The following SCIN variants were observed in gnomAD, a reference collection of about 807,000 sequenced individuals.
SCIN encodes the protein adseverin.
In SCIN, 91 loss-of-function variants were observed where a neutral mutation model predicts 91.8. That is an observed-to-expected ratio of 0.99 (90% CI 0.84 to 1.18). The LOEUF (loss-of-function observed/expected upper bound fraction) is 1.18, where lower values mean the gene tolerates loss of function less well. SCIN is among the 50% of genes most tolerant of loss of function. The probability of loss-of-function intolerance (pLI) is 0.00; values close to 1 mark genes in which losing one functional copy is unlikely to be tolerated. For missense variants in SCIN, 1,087 were observed against 863.9 expected, an observed-to-expected ratio of 1.26 and a Z score of -3.24; for synonymous variants, 367 against 312.6, an observed-to-expected ratio of 1.17 and a Z score of -1.84.
At chr7:12,582,598 G>A (rs984868996) in intron 3 of SCIN, among the ~76,000 whole-genome samples, 1 of 152,046 alleles carries the variant, frequency 6.6e-6, no homozygotes, top group Non-Finnish European at 1.5e-5. Flanking sequence ...ACCCTAAATG[G>A]CAGTACCTTT....
chr7:12,613,455 A>G (rs1373757353), intron 4 of SCIN, among the ~76,000 whole-genome samples: 1 of 152,194 alleles, frequency 6.6e-6, no homozygotes, highest in Non-Finnish European at 1.5e-5. Context: ...AATGTTAAAT[A>G]TGCAAGATTC....
Position 12,646,614 on chromosome 7 carries a change from C to CA in SCIN, c.1881+1919dup, listed in dbSNP as rs1300165183. Among the ~76,000 whole-genome samples the CA allele has an allele frequency of 7.7e-4, 114 of 148,492 alleles. 2 individuals are homozygous for CA. Among genetic ancestry groups the CA allele is most frequent in the Admixed American group, 4.1e-3 (62 of 14,940 alleles). On this transcript the variant is annotated intron_variant, in intron 13 of 15. Transcript: ENST00000297029. ...GAACCACAGCCTCTCACCTAAATTT[C>CA]AAAAAAAAAAGTTATACTTTCTCTG...
At chr7:12,588,759 C>G (rs1782644491) in intron 3 of SCIN, among the ~76,000 whole-genome samples, 1 of 140,028 alleles carries the variant, frequency 7.1e-6, no homozygotes, top group Admixed American at 7.8e-5. Context: ...AGATAAGGGT[C>G]CAGGAATGCA....
Position 12,640,715 on chromosome 7 carries a change from G to A in SCIN, c.1581+198G>A, listed in dbSNP as rs117388499. Among the ~76,000 whole-genome samples, 400 of 152,240 alleles carry A rather than the reference G, an allele frequency of 2.6e-3. 1 individual carries two copies. The highest frequency in any genetic ancestry group is 4.2e-3 in the Non-Finnish European group (283 of 68,006). On this transcript the variant is annotated intron_variant, in intron 11 of 15. Coordinates refer to ENST00000297029, the MANE Select transcript of SCIN (RefSeq NM_001112706.3). Reference sequence around the variant, plus strand: ...TAAAACTCCAGATACCAGGCCTTTCGCAATTTTCAATTACATTGAACCCAA... The same window carrying A: ...TAAAACTCCAGATACCAGGCCTTTCACAATTTTCAATTACATTGAACCCAA...
chr7:12,599,269 CTG>C (rs1425607762), intron 3 of SCIN, among the ~76,000 whole-genome samples: 1 of 152,090 alleles, frequency 6.6e-6, no homozygotes, highest in Non-Finnish European at 1.5e-5. Flanking sequence ...TATTAGAAGT[CTG>C]TATTCTCAGA....
intron 1 of SCIN, among the ~76,000 whole-genome samples, chr7:12,576,149 C>G (rs1430037318): frequency 2.0e-5 from 3 of 152,126 alleles, no homozygotes; most frequent in Admixed American, 6.6e-5. Context: ...TCCAAGTTAT[C>G]TCTTAAAGCA....
At chr7:12,571,484 G>T (rs1456492199) in intron 1 of SCIN, 2 of 375,728 alleles carry the variant, frequency 5.3e-6, no homozygotes, top group Non-Finnish European at 1.1e-5. Flanking sequence ...TGTTGCTTTC[G>T]GGCACTGGCT....
intron 1 of SCIN, among the ~76,000 whole-genome samples, chr7:12,575,411 G>C (rs1041561391): frequency 1.3e-5 from 2 of 151,722 alleles, no homozygotes; most frequent in Non-Finnish European, 2.9e-5. Flanking sequence ...AGTGGTGTGA[G>C]TGCACACCCA....
chr7:12,591,223 A>G (rs1046298044), intron 3 of SCIN, among the ~76,000 whole-genome samples: 3 of 152,092 alleles, frequency 2.0e-5, no homozygotes, highest in Non-Finnish European at 4.4e-5. Context: ...TTCTGGTAAG[A>G]CTGAATTTGG....
chr7:12,603,850 A>T (rs1046986659), intron 3 of SCIN, among the ~76,000 whole-genome samples: 1 of 152,110 alleles, frequency 6.6e-6, no homozygotes, highest in African/African-American at 2.4e-5. Flanking sequence ...TGAACAATTA[A>T]TGCCTTTCCA....
rs532437759 is a variant in SCIN at position 12,615,702 on chromosome 7, AT to A, written c.667-7090del. Among the ~76,000 whole-genome samples, 593 of 150,982 alleles carry A rather than the reference AT, an allele frequency of 3.9e-3. 3 individuals are homozygous for A. The highest frequency in any genetic ancestry group is 0.014 in the African/African-American group (567 of 41,206). ...TTGGTTTAGGGTAATTGAGGTACAC[AT>A]TTTTTTTTGGAAAGAATATACATTT... is the stretch of plus-strand genomic sequence containing the variant. On this transcript the variant is annotated intron_variant, in intron 4 of 15. Coordinates refer to ENST00000297029, the MANE Select transcript of SCIN (RefSeq NM_001112706.3).
At chr7:12,617,989 A>G in intron 4 of SCIN, among the ~76,000 whole-genome samples, 1 of 151,948 alleles carries the variant, frequency 6.6e-6, no homozygotes, top group East Asian at 1.9e-4. Flanking sequence ...ATATTATAGT[A>G]ACTTTTGGGG....
rs1253736412 is a variant in SCIN, at chr7:12,625,772, T to C, written c.903T>C (p.Ala301=). 1 of 1,608,368 alleles carries C rather than the reference T, an allele frequency of 6.2e-7. No individual in the cohort carries two copies. The highest frequency in any genetic ancestry group is 1.7e-5 in the Admixed American group (1 of 59,352). Reference sequence around the variant, plus strand: ...TACCTTGTATTTTAGGTAAAGATGCTAATCCCCAAGAGAGGAAGGCTGCAA... The same window carrying C: ...TACCTTGTATTTTAGGTAAAGATGCCAATCCCCAAGAGAGGAAGGCTGCAA... ...KQIFVWKGKD[A]NPQERKAAMK... is the part of the protein sequence containing the mutation. Residue 301 remains alanine, a synonymous_variant, in exon 7 of 16, where the codon GCT becomes GCC. Transcript: ENST00000297029.
rs996458918 is a variant in SCIN at position 12,604,481 on chromosome 7, C to G, written c.517-33C>G. The G allele has an allele frequency of 1.3e-4, 200 of 1,545,490 alleles. No homozygotes were observed. In the East Asian group the frequency reaches 4.8e-3, roughly 37 times the overall value. ...TGAGGCTGAATGTCTTCCTCATATT[C>G]TTAGGGTCAACAGATCTGTCTCTTT... On this transcript the variant is annotated intron_variant, in intron 3 of 15. Coordinates refer to ENST00000297029, the MANE Select transcript of SCIN (RefSeq NM_001112706.3).
chr7:12,631,990 G>T (rs1783653076), intron 9 of SCIN, among the ~76,000 whole-genome samples: 1 of 152,126 alleles, frequency 6.6e-6, no homozygotes, highest in African/African-American at 2.4e-5. Context: ...ATTGCAAATG[G>T]CCTCATAAAC....
At position 12,651,825 on chromosome 7, in the gene SCIN, T is replaced by C; in HGVS notation, c.1960-16T>C. On this transcript the variant is annotated splice_polypyrimidine_tract_variant and intron_variant, in intron 14 of 15. Transcript: ENST00000297029. The surrounding 1 kb of genome is among the most constrained non-coding windows in gnomAD (Gnocchi z 5.9). ...ATCCCAGAAATCATACATATTGTTA[T>C]TGTTTCATTTTTCAGATATTTATTT... is the stretch of plus-strand genomic sequence containing the variant. The C allele has an allele frequency of 6.6e-7, 1 of 1,506,940 alleles. No individual in the cohort carries two copies. The highest frequency in any genetic ancestry group is 9.1e-7 in the Non-Finnish European group (1 of 1,094,838). The allele number at this position is 1,506,940 out of a possible 1,614,324, so 93.3% of individuals were successfully genotyped here.
chr7:12,628,977 T>G, intron 8 of SCIN, 124 bp from the exon 9 acceptor site: 1 of 790,368 alleles, frequency 1.3e-6, no homozygotes, highest in Non-Finnish European at 1.9e-6. Context: ...ATTTGTAAAC[T>G]AGTTAATAAA....
intron 9 of SCIN, among the ~76,000 whole-genome samples, chr7:12,635,669 A>G (rs1354288080): frequency 2.0e-5 from 3 of 147,478 alleles, no homozygotes; most frequent in East Asian, 4.0e-4. Context: ...TGCCCCTAAC[A>G]TTCAACCTAA....
At chr7:12,575,348 CT>C (rs972969183) in intron 1 of SCIN, among the ~76,000 whole-genome samples, 3 of 130,632 alleles carry the variant, frequency 2.3e-5, no homozygotes, top group African/African-American at 5.8e-5. Flanking sequence ...CCTTTTTTTT[CT>C]TTTTCTTACT....
Sources: allele counts gnomAD v4.1 joint callset (sites outside exome capture counted in the v4.1 genomes callset), GRCh38; gene constraint gnomAD v4.1.1; non-coding constraint Gnocchi (gnomAD v3.1); transcripts MANE v1.5; gene names NCBI Gene and HGNC (gene_info 2026-07-23, HGNC 2026-07-21).